The following OPCML variants were observed in gnomAD, a reference collection of about 807,000 sequenced individuals.
OPCML encodes opioid binding protein/cell adhesion molecule like.
OPCML carries 13 observed loss-of-function variants against 37.8 expected under a neutral mutation model. That is an observed-to-expected ratio of 0.34 (90% CI 0.22 to 0.55). The LOEUF (loss-of-function observed/expected upper bound fraction) is 0.55. Ranked by LOEUF, OPCML falls within the 20% of genes least tolerant of loss-of-function variation. OPCML has a pLI of 0.91. For synonymous variants in OPCML, 176 were observed against 168.8 expected (o/e 1.04, Z -0.33); for missense variants, 341 against 435.6 (o/e 0.78, Z 1.93).
At chr11:133,491,701 C>T (rs1012438524) in intron 1 of OPCML, among the ~76,000 whole-genome samples, 2 of 152,154 alleles carry the variant, frequency 1.3e-5, no homozygotes, top group Non-Finnish European at 2.9e-5. Context: ...TCGTTGATCC[C>T]TTTCTATAGA....
chr11:132,491,560 A>G (rs908705448), intron 4 of OPCML, among the ~76,000 whole-genome samples: 1 of 152,288 alleles, frequency 6.6e-6, no homozygotes, highest in Non-Finnish European at 1.5e-5. Context: ...ATTAACTGGA[A>G]TTCCACCCAC....
chr11:132,603,224 T>G (rs191705942), intron 3 of OPCML, among the ~76,000 whole-genome samples: 8 of 152,246 alleles, frequency 5.3e-5, no homozygotes, highest in Non-Finnish European at 1.5e-5. Context: ...CTGCCAGTGA[T>G]CTCCTACTGA....
chr11:132,667,840 G>A (rs941769077), intron 2 of OPCML, among the ~76,000 whole-genome samples: 2 of 152,216 alleles, frequency 1.3e-5, no homozygotes, highest in African/African-American at 4.8e-5. Flanking sequence ...GCTATGTTGA[G>A]GTCCCATTTG....
intron 1 of OPCML, among the ~76,000 whole-genome samples, chr11:133,224,922 C>T (rs937985924): frequency 4.6e-5 from 7 of 152,142 alleles, no homozygotes; most frequent in African/African-American, 1.4e-4. Context: ...TATCTCTTCC[C>T]TGACCCTCCA....
At chr11:133,529,739 GCTGGTATTAATCC>G (rs1454208060) in intron 1 of OPCML, among the ~76,000 whole-genome samples, 2 of 152,204 alleles carry the variant, frequency 1.3e-5, no homozygotes, top group Non-Finnish European at 2.9e-5. Context: ...TGGCTAACGA[GCTGGTATTAATCC>G]CTGTGGGAGA....
At chr11:133,120,325 TAAAC>T (rs992037550) in intron 1 of OPCML, among the ~76,000 whole-genome samples, 11 of 152,172 alleles carry the variant, frequency 7.2e-5, no homozygotes, top group African/African-American at 2.2e-4. Context: ...AGTCAGTTAA[TAAAC>T]AAATACTTAC....
chr11:133,443,101 C>A (rs1458372264), intron 1 of OPCML, among the ~76,000 whole-genome samples: 1 of 152,140 alleles, frequency 6.6e-6, no homozygotes, highest in African/African-American at 2.4e-5. Context: ...CGCAGACAAT[C>A]TAAACAAGAA....
intron 1 of OPCML, among the ~76,000 whole-genome samples, chr11:133,240,135 G>T (rs1472604104): frequency 7.1e-6 from 1 of 140,616 alleles, no homozygotes; most frequent in Non-Finnish European, 1.5e-5. Flanking sequence ...TCCTCTCAAA[G>T]CCTCTGTGTT....
intron 2 of OPCML, among the ~76,000 whole-genome samples, chr11:132,776,637 A>G (rs868693232): frequency 5.2e-4 from 79 of 151,994 alleles, no homozygotes; most frequent in African/African-American, 1.7e-3. Flanking sequence ...TTCCACCATG[A>G]GTGGAAGCTC....
At chr11:133,351,701 G>T (rs1944141332) in intron 1 of OPCML, among the ~76,000 whole-genome samples, 1 of 151,940 alleles carries the variant, frequency 6.6e-6, no homozygotes, top group Non-Finnish European at 1.5e-5. Flanking sequence ...CCTTAACCCA[G>T]TTCACTTTCC....
chr11:132,527,932 T>TAAC (rs201835766), intron 4 of OPCML, among the ~76,000 whole-genome samples: 1 of 151,074 alleles, frequency 6.6e-6, no homozygotes, highest in Non-Finnish European at 1.5e-5. Context: ...ATCAGGGTAA[T>TAAC]ATATTTACAA....
intron 1 of OPCML, among the ~76,000 whole-genome samples, chr11:133,231,018 T>C (rs536609670): frequency 5.9e-5 from 9 of 152,234 alleles, no homozygotes; most frequent in South Asian, 2.1e-4. Context: ...GATTTAATAA[T>C]AAGGGGCTGT....
chr11:132,613,711 G>A lies in OPCML; in HGVS notation c.379+43376C>T, dbSNP rs928732535. On this transcript the variant is annotated intron_variant, in intron 3 of 7. Transcript: ENST00000524381. ...TATAACACCTTGCACTGAATTTAGA[G>A]AACAGACATATTTTTTTACTTGAGA... Among the ~76,000 whole-genome samples, 8 of 152,252 alleles carry A rather than the reference G, an allele frequency of 5.3e-5. No individual in the cohort carries two copies. In the East Asian group the frequency reaches 1.4e-3, roughly 26 times the overall value.
At chr11:133,108,372 T>C (rs1949195091) in intron 1 of OPCML, among the ~76,000 whole-genome samples, 1 of 152,154 alleles carries the variant, frequency 6.6e-6, no homozygotes, top group Admixed American at 6.5e-5. Flanking sequence ...ATTTACTTAG[T>C]GGACTGTCGT....
rs546378310 is a variant in OPCML at position 132,765,514 on chromosome 11, AT to A, written c.147-108196del. Among the ~76,000 whole-genome samples, 187 of 152,206 alleles carry A rather than the reference AT, an allele frequency of 1.2e-3. 1 individual carries two copies. The highest frequency in any genetic ancestry group is 2.8e-3 in the Admixed American group (43 of 15,272). ...TGTTATTTCCATCTCTTAATTCCTG[AT>A]ATGAGCAGATTCTTACCTGTTTGCT... is the stretch of plus-strand genomic sequence containing the variant. On this transcript the variant is annotated intron_variant, in intron 2 of 7. Transcript: ENST00000524381.
chr11:133,353,627 G>A (rs991599189), intron 1 of OPCML, among the ~76,000 whole-genome samples: 1 of 152,192 alleles, frequency 6.6e-6, no homozygotes, highest in Admixed American at 6.5e-5. Flanking sequence ...AAGGAAATCA[G>A]TAAGCTCACT....
chr11:132,504,262 C>G (rs1173527823), intron 4 of OPCML, among the ~76,000 whole-genome samples: 2 of 152,148 alleles, frequency 1.3e-5, no homozygotes, highest in African/African-American at 4.8e-5. Context: ...TAAGTACACG[C>G]CTCCATAGCT....
chr11:132,999,730 G>A (rs1173990090), intron 1 of OPCML, among the ~76,000 whole-genome samples: 2 of 152,200 alleles, frequency 1.3e-5, no homozygotes, highest in Admixed American at 1.3e-4. Context: ...TGCCAGCCAG[G>A]CTGTAAACAG....
intron 3 of OPCML, among the ~76,000 whole-genome samples, chr11:132,557,335 T>C (rs1186195188): frequency 6.6e-6 from 1 of 152,184 alleles, no homozygotes; most frequent in African/African-American, 2.4e-5. Flanking sequence ...TAGAAATAAG[T>C]GAAAGAGGTA....
Sources: allele counts gnomAD v4.1 joint callset (sites outside exome capture counted in the v4.1 genomes callset), GRCh38; gene constraint gnomAD v4.1.1; transcripts MANE v1.5; gene names NCBI Gene and HGNC (gene_info 2026-07-23, HGNC 2026-07-21).